The following FAHD1 variants were observed in gnomAD, a reference collection of about 807,000 sequenced individuals.
FAHD1 encodes FAH domain containing oxaloacetate decarboxylase 1, also known as oxaloacetate tautomerase FAHD1, mitochondrial.
FAHD1 carries 14 observed loss-of-function variants against 12.7 expected under a neutral mutation model. The ratio of observed to expected loss-of-function variants is 1.10; its 90% CI spans 0.73 to 1.72. FAHD1 has a LOEUF of 1.72. FAHD1 is among the 40% of genes most tolerant of loss of function. The pLI is 0.00. For missense variants in FAHD1, 351 were observed against 298.9 expected (o/e 1.17, Z -1.29); for synonymous variants, 153 against 124.9 (o/e 1.22, Z -1.50).
exon 1 of FAHD1, chr16:1,827,617 C>G: frequency 6.2e-7 from 1 of 1,613,906 alleles, no homozygotes; most frequent in Non-Finnish European, 8.5e-7. Context: ...GGCGTCCTGC[C>G]CGGTCAGCGC....
downstream of FAHD1, chr16:1,829,032 A>G (rs965771505): frequency 7.3e-6 from 4 of 546,406 alleles, no homozygotes; most frequent in African/African-American, 8.3e-5. Flanking sequence ...GTGTTAACAC[A>G]GTTAATCAGC....
exon 1 of FAHD1, chr16:1,828,545 C>T (rs1360465470): frequency 2.0e-6 from 2 of 1,000,230 alleles, no homozygotes; most frequent in East Asian, 1.1e-4. Context: ...GCAGAGAAAA[C>T]TGAAAGTTAT....
exon 1 of FAHD1, chr16:1,827,421 C>T: frequency 6.2e-7 from 1 of 1,609,234 alleles, no homozygotes; most frequent in Non-Finnish European, 8.5e-7. Context: ...TGCCCGCGTA[C>T]ACTCGCAACC....
At chr16:1,828,808 G>T (rs1898567378) in exon 1 of FAHD1, 10 of 997,306 alleles carry the variant, frequency 1.0e-5, no homozygotes, top group Non-Finnish European at 1.2e-5. Flanking sequence ...AAGTAATGAA[G>T]ATTTCACCTG....
downstream of FAHD1, among the ~76,000 whole-genome samples, chr16:1,833,681 C>A (rs751488061): frequency 2.6e-5 from 4 of 151,626 alleles, no homozygotes; most frequent in African/African-American, 4.9e-5. Flanking sequence ...CCTGCCTCAG[C>A]CTCCCGAGTA....
chr16:1,836,987 G>A (rs1207872856), intron 1 of FAHD1, among the ~76,000 whole-genome samples: 3 of 152,138 alleles, frequency 2.0e-5, no homozygotes, highest in Non-Finnish European at 2.9e-5. Context: ...AACTAGGCTG[G>A]CTGGGTCCAG....
rs1175911238 is a variant in FAHD1 at position 1,834,932 on chromosome 16, TC to T, written c.628-3077del. The stretch of plus-strand genomic sequence containing the variant: ...CTTGGGCAACTAGAGCGAAACTCTG[TC>T]CCCCCCACCCCCCCCCACTAAAAAA... On this transcript the variant is annotated intron_variant, in intron 1 of 2. Transcript: ENST00000382666. 2.2e-3 allele frequency among the ~76,000 whole-genome samples: 231 copies of T among 106,308 alleles called. 1 individual carries two copies. The highest frequency in any genetic ancestry group is 7.2e-3 in the African/African-American group (205 of 28,482). 69.7% of individuals were successfully genotyped at this position (106,308 alleles called of 152,430 possible).
downstream of FAHD1, among the ~76,000 whole-genome samples, chr16:1,833,585 A>G (rs1404772619): frequency 7.3e-6 from 1 of 137,856 alleles, no homozygotes; most frequent in Non-Finnish European, 1.5e-5. Flanking sequence ...TTTTTAAGAC[A>G]GAGTCTCGCT....
At chr16:1,830,224 T>C (rs1409521166), downstream of FAHD1, among the ~76,000 whole-genome samples, 1 of 152,276 alleles carries the variant, frequency 6.6e-6, no homozygotes, top group East Asian at 1.9e-4. Flanking sequence ...TTTTCCTTGT[T>C]AGCTGACACA....
exon 3 of FAHD1, chr16:1,839,455 A>C: frequency 6.3e-7 from 1 of 1,594,938 alleles, no homozygotes; most frequent in Non-Finnish European, 8.5e-7. Flanking sequence ...AGAAACAAAG[A>C]CAATGATAAA....
At chr16:1,839,714 T>G in exon 3 of FAHD1, 1 of 337,808 alleles carries the variant, frequency 3.0e-6, no homozygotes, top group Admixed American at 4.6e-5. Context: ...CCAGTCTCAT[T>G]TCCTTGCTGG....
downstream of FAHD1, among the ~76,000 whole-genome samples, chr16:1,833,654 C>T (rs911073734): frequency 1.3e-4 from 19 of 150,800 alleles, no homozygotes; most frequent in Admixed American, 3.3e-4. Flanking sequence ...CTCCTCATCC[C>T]AGGTTCAAGA....
At chr16:1,831,814 C>T (rs1371384467), downstream of FAHD1, among the ~76,000 whole-genome samples, 1 of 152,164 alleles carries the variant, frequency 6.6e-6, no homozygotes, top group Non-Finnish European at 1.5e-5. Flanking sequence ...GTAAACTGCA[C>T]ATGCGAGGGA....
intron 1 of FAHD1, chr16:1,834,244 T>C: frequency 1.4e-6 from 2 of 1,467,260 alleles, no homozygotes; most frequent in Non-Finnish European, 1.9e-6. Flanking sequence ...GAGTTCAAAA[T>C]GATAGACCGT....
chr16:1,830,148 C>G (rs11648810), downstream of FAHD1, among the ~76,000 whole-genome samples: 27,087 of 152,250 alleles, frequency 0.18, 2,576 homozygotes, highest in South Asian at 0.27. Flanking sequence ...CAGGCATGAG[C>G]CACCGTGCCC....
At chr16:1,832,736 C>T (rs1898646395), downstream of FAHD1, among the ~76,000 whole-genome samples, 1 of 151,482 alleles carries the variant, frequency 6.6e-6, no homozygotes, top group Non-Finnish European at 1.5e-5. Context: ...GGAGCCAAGC[C>T]AGCACCAACC....
downstream of FAHD1, among the ~76,000 whole-genome samples, chr16:1,833,042 T>G (rs535556605): frequency 2.0e-5 from 3 of 152,220 alleles, no homozygotes; most frequent in African/African-American, 7.2e-5. Flanking sequence ...TTTTCAATCC[T>G]GTGGTGGAGG....
At chr16:1,838,309 GT>G in intron 2 of FAHD1, among the ~76,000 whole-genome samples, 1 of 152,166 alleles carries the variant, frequency 6.6e-6, no homozygotes, top group East Asian at 1.9e-4. Context: ...CAACTCAACT[GT>G]TTTGATAGAG....
exon 3 of FAHD1, chr16:1,840,180 T>C (rs990448283): frequency 2.0e-5 from 3 of 152,184 alleles, no homozygotes; most frequent in South Asian, 2.1e-4. Flanking sequence ...TTTCCTCAGA[T>C]ATCAATAATA....
Sources: gnomAD v4.1 joint callset for allele counts (sites outside exome capture counted in the v4.1 genomes callset) on GRCh38, gnomAD v4.1.1 for gene constraint, MANE v1.5 for transcripts, NCBI Gene and HGNC (gene_info 2026-07-23, HGNC 2026-07-21) for gene names.